CHST12: variants seen among roughly 807,000 people sequenced by gnomAD.
The protein encoded by CHST12 is carbohydrate sulfotransferase 12.
CHST12 carries 23 observed loss-of-function variants against 27.9 expected under a neutral mutation model. The observed-to-expected ratio is 0.82, with a 90% CI of 0.59 to 1.17. CHST12 has a LOEUF of 1.17. CHST12 is among the 50% of genes most tolerant of loss of function. The pLI, the probability that CHST12 is intolerant of heterozygous loss-of-function variation, is 0.00. For missense variants in CHST12, 682 were observed against 603.0 expected (o/e 1.13, Z -1.37); for synonymous variants, 322 against 273.0 (o/e 1.18, Z -1.77).
intron 1 of CHST12, among the ~76,000 whole-genome samples, chr7:2,413,006 A>G (rs944428307): frequency 3.3e-5 from 5 of 152,204 alleles, no homozygotes; most frequent in African/African-American, 1.2e-4. Flanking sequence ...AGACAGAGAG[A>G]TAAGTAAGGC....
rs151241883 is a variant in CHST12 at position 2,440,732 on chromosome 7, C to T, written c.*6848C>T. On this transcript the variant is annotated 3_prime_UTR_variant, in exon 2 of 2. Coordinates refer to ENST00000618655, the MANE Select transcript of CHST12 (RefSeq NM_018641.5). ...TTCCAGAAACTGCCAAGAAGAATGC[C>T]GCCGCTCAGGTTTATCTGGTAGAAT... is the stretch of plus-strand genomic sequence containing the variant. 27 of 152,258 alleles carry T rather than the reference C, an allele frequency of 1.8e-4. No individual in the cohort carries two copies. The highest frequency in any genetic ancestry group is 5.8e-4 in the African/African-American group (24 of 41,548). The allele number at this position is 152,258 out of a possible 1,614,324, so 9.4% of individuals were successfully genotyped here.
chr7:2,441,692 TAAAAAAAAAAAA>T lies in CHST12; in HGVS notation c.*7818_*7829del, dbSNP rs892984476. ...TGGGTGACAGAGCAAGATCTTGTCT[TAAAAAAAAAAAA>T]AAAAAAAAAGGTGTTGTATTTTATC... On this transcript the variant is annotated 3_prime_UTR_variant, in exon 2 of 2. Transcript: ENST00000618655. 2 of 106,032 alleles carry T rather than the reference TAAAAAAAAAAAA, an allele frequency of 1.9e-5. No homozygotes were observed. Among genetic ancestry groups the T allele is most frequent in the Non-Finnish European group, 3.8e-5 (2 of 52,338 alleles). 6.6% of individuals were successfully genotyped at this position (106,032 alleles called of 1,614,324 possible).
intron 1 of CHST12, among the ~76,000 whole-genome samples, chr7:2,404,457 G>C (rs570888889): frequency 6.6e-6 from 1 of 152,348 alleles, no homozygotes; most frequent in East Asian, 1.9e-4. Context: ...TGGGGACTCG[G>C]AAGCCCCGGG....
In CHST12 at chr7:2,435,057, A is replaced by T. The variant is rs1264014146; in HGVS notation, c.*1173A>T. On this transcript the variant is annotated 3_prime_UTR_variant, in exon 2 of 2. Transcript: ENST00000618655. ...ATAGCGAGACCCTGTGTCTACAAAA[A>T]ATAAGAAAATCAGCCGGACATGATG... is the stretch of plus-strand genomic sequence containing the variant. The T allele has an allele frequency of 6.6e-6, 1 of 151,984 alleles. No homozygotes were observed. The highest frequency in any genetic ancestry group is 2.4e-5 in the African/African-American group (1 of 41,354). 9.4% of individuals were successfully genotyped at this position (151,984 alleles called of 1,614,324 possible). A position where few individuals can be genotyped will look rare whatever the true frequency, so the allele number is the denominator to read the frequency against.
intron 1 of CHST12, among the ~76,000 whole-genome samples, chr7:2,423,715 T>C (rs142926286): frequency 6.6e-6 from 1 of 152,264 alleles, no homozygotes; most frequent in East Asian, 1.9e-4. Context: ...CCCAGCTCCT[T>C]TCATGTGGAA....
At position 2,433,989 on chromosome 7, in the gene CHST12, C is replaced by G; in HGVS notation, c.*105C>G. The G allele has an allele frequency of 1.2e-6, 1 of 860,430 alleles. No individual in the cohort carries two copies. The highest frequency in any genetic ancestry group is 1.8e-6 in the Non-Finnish European group (1 of 540,624). 53.3% of individuals were successfully genotyped at this position (860,430 alleles called of 1,614,324 possible). A position where few individuals can be genotyped will look rare whatever the true frequency, so the allele number is the denominator to read the frequency against. ...CAATCTGGGCTTCTTGTTCACTCCA[C>G]TGCCTCTATCCATTGAGTACTGTAT... On this transcript the variant is annotated 3_prime_UTR_variant, in exon 2 of 2. Transcript: ENST00000618655. The surrounding 1 kb of genome is among the most constrained non-coding windows in gnomAD (Gnocchi z 6.1).
chr7:2,434,562 T>G lies in CHST12; in HGVS notation c.*678T>G, dbSNP rs1782421635. 2 of 110,608 alleles carry G rather than the reference T, an allele frequency of 1.8e-5. No homozygotes were observed. The highest frequency in any genetic ancestry group is 1.7e-5 in the Non-Finnish European group (1 of 57,948). 6.9% of individuals were successfully genotyped at this position (110,608 alleles called of 1,614,324 possible). ...GGAATTTGAGACCTGGCCAACATGG[T>G]GAAACCCTGTCTCTACTAAAAAAAA... is the stretch of plus-strand genomic sequence containing the variant. On this transcript the variant is annotated 3_prime_UTR_variant, in exon 2 of 2. Transcript: ENST00000618655.
intron 1 of CHST12, among the ~76,000 whole-genome samples, chr7:2,415,971 A>G (rs1781797225): frequency 6.6e-6 from 1 of 152,302 alleles, no homozygotes; most frequent in South Asian, 2.1e-4. Flanking sequence ...TACTTTTACA[A>G]AAGGTTTTCC....
chr7:2,419,445 G>T (rs1022417895), intron 1 of CHST12, among the ~76,000 whole-genome samples: 4 of 149,124 alleles, frequency 2.7e-5, no homozygotes, highest in African/African-American at 9.9e-5. Context: ...AGTGGCTTAC[G>T]CCTGTAATCC....
At chr7:2,412,788 G>A (rs767155379) in intron 1 of CHST12, among the ~76,000 whole-genome samples, 1 of 152,096 alleles carries the variant, frequency 6.6e-6, no homozygotes, top group African/African-American at 2.4e-5. Context: ...TTTCATCCCA[G>A]TTCATGTGAG....
At chr7:2,425,075 G>A (rs1438005567) in intron 1 of CHST12, among the ~76,000 whole-genome samples, 3 of 151,814 alleles carry the variant, frequency 2.0e-5, no homozygotes, top group Non-Finnish European at 4.4e-5. Flanking sequence ...GTGTGGTGGC[G>A]GGCGCCTGTA....
Position 2,436,578 on chromosome 7 carries a change from AG to A in CHST12, c.*2697del, listed in dbSNP as rs373101570. ...ATGTGAATTGAATGCTGCTGTGAAC[AG>A]GGTGTCAGTGAATCTGCTGAGGGCT... On this transcript the variant is annotated 3_prime_UTR_variant, in exon 2 of 2. Coordinates refer to ENST00000618655, the MANE Select transcript of CHST12 (RefSeq NM_018641.5). 19 of 152,412 alleles carry A rather than the reference AG, an allele frequency of 1.2e-4. No homozygotes were observed. In the East Asian group the frequency reaches 3.7e-3, roughly 29 times the overall value. 9.4% of individuals were successfully genotyped at this position (152,412 alleles called of 1,614,324 possible).
intron 1 of CHST12, among the ~76,000 whole-genome samples, chr7:2,425,237 AC>A (rs1562516312): frequency 4.8e-5 from 7 of 147,168 alleles, no homozygotes; most frequent in African/African-American, 1.5e-4. Flanking sequence ...CAAAAAAAAA[AC>A]GTAAAAAAAC....
intron 1 of CHST12, among the ~76,000 whole-genome samples, chr7:2,422,152 G>A (rs1781991324): frequency 6.6e-6 from 1 of 152,138 alleles, no homozygotes; most frequent in Non-Finnish European, 1.5e-5. Flanking sequence ...CTCCCCTGCA[G>A]CTTCACTCTC....
chr7:2,411,490 C>CTTTTTTTTTTTTT lies in CHST12; in HGVS notation c.-78+7823_-78+7835dup, dbSNP rs79743047. On this transcript the variant is annotated intron_variant, in intron 1 of 1. Transcript: ENST00000618655. ...ATAATTTCTTTGAGTTAACTTAACTCTTTTTTTTTTTTTTTTTTGAGACGG... is the reference window on the plus strand; with the variant it reads ...ATAATTTCTTTGAGTTAACTTAACTCTTTTTTTTTTTTTTTTTTTTTTTTTTTTTTTGAGACGG... 1.2e-3 allele frequency among the ~76,000 whole-genome samples: 104 copies of CTTTTTTTTTTTTT among 87,538 alleles called. 9 individuals are homozygous for CTTTTTTTTTTTTT. Among genetic ancestry groups the CTTTTTTTTTTTTT allele is most frequent in the African/African-American group, 2.2e-3 (46 of 21,024 alleles). The allele number at this position is 87,538 out of a possible 152,430, so 57.4% of individuals were successfully genotyped here.
In CHST12 at chr7:2,433,499, C is replaced by G; in HGVS notation, c.860C>G (p.Ser287Trp). The G allele has an allele frequency of 6.2e-7, 1 of 1,611,984 alleles. No individual in the cohort carries two copies. Among genetic ancestry groups the G allele is most frequent in the South Asian group, 1.1e-5 (1 of 91,064 alleles). ...LYANHTSLPA[S>W]AREAFRAGLK... ...GCCAACCACACCAGCCTGCCCGCCT[C>G]GGCGCGCGAGGCCTTCCGCGCTGGC... Residue 287 changes from serine to tryptophan, a missense_variant, in exon 2 of 2, where the codon TCG (serine) becomes TGG (tryptophan). Physicochemically the swap from Ser to Trp is radical, Grantham distance 177. Transcript: ENST00000618655. The surrounding 1 kb of genome is among the most constrained non-coding windows in gnomAD (Gnocchi z 6.1).
chr7:2,433,917 G>T lies in CHST12; in HGVS notation c.*33G>T. ...CGCGTTGCTTTTTCTCGCGTGCCTG[G>T]AACCTGACGCACGCGCACTCCAGTT... On this transcript the variant is annotated 3_prime_UTR_variant, in exon 2 of 2. Transcript: ENST00000618655. The surrounding 1 kb of genome is among the most constrained non-coding windows in gnomAD (Gnocchi z 6.1). The T allele has an allele frequency of 6.5e-7, 1 of 1,531,862 alleles. No individual in the cohort carries two copies. Among genetic ancestry groups the T allele is most frequent in the Non-Finnish European group, 8.8e-7 (1 of 1,138,896 alleles). 94.9% of individuals were successfully genotyped at this position (1,531,862 alleles called of 1,614,324 possible). A position where few individuals can be genotyped will look rare whatever the true frequency, so the allele number is the denominator to read the frequency against.
intron 1 of CHST12, among the ~76,000 whole-genome samples, chr7:2,421,691 C>T (rs1205198089): frequency 6.6e-6 from 1 of 152,064 alleles, no homozygotes; most frequent in African/African-American, 2.4e-5. Flanking sequence ...CCCACCTCAG[C>T]CTCCCAAAGT....
chr7:2,406,167 C>G (rs1359847841), intron 1 of CHST12, among the ~76,000 whole-genome samples: 1 of 152,066 alleles, frequency 6.6e-6, no homozygotes, highest in Non-Finnish European at 1.5e-5. Flanking sequence ...CGGAGAGTAG[C>G]TGTTAGTTTC....
Sources: allele counts gnomAD v4.1 joint callset (sites outside exome capture counted in the v4.1 genomes callset), GRCh38; gene constraint gnomAD v4.1.1; non-coding constraint Gnocchi (gnomAD v3.1); transcripts MANE v1.5; gene names NCBI Gene and HGNC (gene_info 2026-07-23, HGNC 2026-07-21).